The following ANKRD61 variants were observed in gnomAD, a reference collection of about 807,000 sequenced individuals.
The protein encoded by ANKRD61 is ankyrin repeat domain 61.
Under a neutral mutation model 8.4 loss-of-function variants are expected in ANKRD61, and 7 were observed. The observed-to-expected ratio is 0.84, with a 90% CI of 0.48 to 1.57. The LOEUF is 1.57. Ranked by LOEUF, ANKRD61 falls within the 40% of genes most tolerant of loss-of-function variation. The pLI is 0.00. For missense variants in ANKRD61, 516 were observed against 523.4 expected, an observed-to-expected ratio of 0.99 and a Z score of 0.14; for synonymous variants, 198 against 208.0, an observed-to-expected ratio of 0.95 and a Z score of 0.41.
chr7:6,031,605 T>C lies in ANKRD61; in HGVS notation c.216+14T>C. 2.6e-6 allele frequency: 4 copies of C among 1,550,140 alleles called. No individual in the cohort carries two copies. The highest frequency in any genetic ancestry group is 3.5e-6 in the Non-Finnish European group (4 of 1,146,430). ...CTTCTGACCCAGGTACCCTCTTTTC[T>C]GCTCAGTCACTTCTGGAAAAAAGTC... is the stretch of plus-strand genomic sequence containing the variant. On this transcript the variant is annotated intron_variant, in intron 1 of 2. Coordinates refer to ENST00000409061, the MANE Select transcript of ANKRD61 (RefSeq NM_001271700.2).
chr7:6,033,012 A>T lies in ANKRD61; in HGVS notation c.314+76A>T. 1 of 1,302,398 alleles carries T rather than the reference A, an allele frequency of 7.7e-7. No homozygotes were observed. Among genetic ancestry groups the T allele is most frequent in the South Asian group, 1.3e-5 (1 of 76,642 alleles). 80.7% of individuals were successfully genotyped at this position (1,302,398 alleles called of 1,614,324 possible). ...AGGCAGGGGTCTCGCTCTGTTGCCC[A>T]GGCTGGAGTGCAATGGCACAATCTC... is the stretch of plus-strand genomic sequence containing the variant. On this transcript the variant is annotated intron_variant, in intron 2 of 2. Coordinates refer to ENST00000409061, the MANE Select transcript of ANKRD61 (RefSeq NM_001271700.2). This position sits in a 1 kb window ranked among gnomAD's most constrained non-coding sequence, Gnocchi z 4.4.
rs1787936393 is a variant in ANKRD61, at chr7:6,032,300, T to C, written c.217-539T>C. On this transcript the variant is annotated intron_variant, in intron 1 of 2. Coordinates refer to ENST00000409061, the MANE Select transcript of ANKRD61 (RefSeq NM_001271700.2). This position sits in a 1 kb window ranked among gnomAD's most constrained non-coding sequence, Gnocchi z 4.3. ...AAGGAAGTCACCCTCCCTTGTACCC[T>C]ACTGTCTTATCTTGCAGCCACGGTG... Among the ~76,000 whole-genome samples, 2 of 152,256 alleles carry C rather than the reference T, an allele frequency of 1.3e-5. No individual in the cohort carries two copies. Among genetic ancestry groups the C allele is most frequent in the South Asian group, 4.1e-4 (2 of 4,838 alleles).
chr7:6,036,490 C>A lies in ANKRD61; in HGVS notation c.*104C>A. On this transcript the variant is annotated 3_prime_UTR_variant, in exon 3 of 3. Transcript: ENST00000409061. The surrounding 1 kb of genome is among the most constrained non-coding windows in gnomAD (Gnocchi z 4.6). ...ATGCTTCACCTATCACCTGTGACAT[C>A]CCAAATGTACAAACTACTGATTCTT... The A allele has an allele frequency of 1.5e-6, 1 of 680,024 alleles. No homozygotes were observed. The highest frequency in any genetic ancestry group is 2.3e-6 in the Non-Finnish European group (1 of 441,672). The allele number at this position is 680,024 out of a possible 1,614,324, so 42.1% of individuals were successfully genotyped here.
At position 6,035,374 on chromosome 7, in the gene ANKRD61, G is replaced by A; in HGVS notation, c.315-70G>A. 1 of 1,365,872 alleles carries A rather than the reference G, an allele frequency of 7.3e-7. No homozygotes were observed. The highest frequency in any genetic ancestry group is 1.0e-6 in the Non-Finnish European group (1 of 999,534). 84.6% of individuals were successfully genotyped at this position (1,365,872 alleles called of 1,614,324 possible). A position where few individuals can be genotyped will look rare whatever the true frequency, so the allele number is the denominator to read the frequency against. ...CTTTAAATAAATACTGGCTTCTTAA[G>A]CATTAACTGTCCACGTAGAGCCGTT... On this transcript the variant is annotated intron_variant, in intron 2 of 2. Transcript: ENST00000409061. This position sits in a 1 kb window ranked among gnomAD's most constrained non-coding sequence, Gnocchi z 5.5.
At position 6,035,395 on chromosome 7, in the gene ANKRD61, C is replaced by T; in HGVS notation, c.315-49C>T. On this transcript the variant is annotated intron_variant, in intron 2 of 2. Coordinates refer to ENST00000409061, the MANE Select transcript of ANKRD61 (RefSeq NM_001271700.2). The surrounding 1 kb of genome is among the most constrained non-coding windows in gnomAD (Gnocchi z 5.5). ...TTAAGCATTAACTGTCCACGTAGAG[C>T]CGTTCCCACTGTGAATTCAGTGTAA... The T allele has an allele frequency of 6.7e-7, 1 of 1,487,894 alleles. No individual in the cohort carries two copies. The highest frequency in any genetic ancestry group is 9.1e-7 in the Non-Finnish European group (1 of 1,098,788). The allele number at this position is 1,487,894 out of a possible 1,614,324, so 92.2% of individuals were successfully genotyped here.
chr7:6,034,784 G>A (rs1223922849), intron 2 of ANKRD61, among the ~76,000 whole-genome samples: 1 of 152,202 alleles, frequency 6.6e-6, no homozygotes, highest in Non-Finnish European at 1.5e-5. Context: ...AAGCGCTTCT[G>A]AGATGAGGGC....
In ANKRD61 at chr7:6,031,447, A is replaced by G; in HGVS notation, c.72A>G (p.Pro24=). The stretch of plus-strand genomic sequence containing the variant: ...GTGCCAAGTCCCTGGAAGATGGCCC[A>G]TCTGCAGCACTTCACTCGAAACTCT... The part of the protein sequence containing the change: ...VDSAKSLEDG[P]SAALHSKLYE... The change falls in exon 1 of 3, where the codon CCA becomes CCG. Residue 24 remains proline (P), a synonymous_variant. Transcript: ENST00000409061. 1 of 1,550,838 alleles carries G rather than the reference A, an allele frequency of 6.4e-7. No homozygotes were observed. Among genetic ancestry groups the G allele is most frequent in the Non-Finnish European group, 8.7e-7 (1 of 1,147,042 alleles).
In ANKRD61 at chr7:6,032,891, A is replaced by G. The variant is rs1787957575; in HGVS notation, c.269A>G (p.Gln90Arg). 6.4e-7 allele frequency: 1 copy of G among 1,551,072 alleles called. No homozygotes were observed. The change falls in exon 2 of 3, where the codon CAG (glutamine) becomes CGG (arginine). Residue 90 changes from glutamine (Q) to arginine (R), a missense_variant. Physicochemically the swap from Gln to Arg is conservative, Grantham distance 43. Coordinates refer to ENST00000409061, the MANE Select transcript of ANKRD61 (RefSeq NM_001271700.2). The surrounding 1 kb of genome is among the most constrained non-coding windows in gnomAD (Gnocchi z 4.3). ...CTGGCTGCCAAGTACCACAAGGCCC[A>G]GAGTCTGCTCTGCCTGTTACGGCAC... ...IHLAAKYHKA[Q>R]SLLCLLRHGA... is the part of the protein sequence containing the mutation.
At chr7:6,031,696 A>C in intron 1 of ANKRD61, 105 bp downstream of exon 1, 16 of 1,069,336 alleles carry the variant, frequency 1.5e-5, no homozygotes, top group East Asian at 2.7e-5. Context: ...CCTTATGAGA[A>C]TGAGACACGA....
In ANKRD61 at chr7:6,036,194, G is replaced by A. The variant is rs2128887844; in HGVS notation, c.1065G>A (p.Met355Ile). Residue 355 changes from methionine to isoleucine, a missense_variant, in exon 3 of 3, where the codon ATG (methionine) becomes ATA (isoleucine). Transcript: ENST00000409061. The surrounding 1 kb of genome is among the most constrained non-coding windows in gnomAD (Gnocchi z 4.6). ...NNQGILPAGI[M>I]LPEFRLLRDT... ...AAGGAATTCTACCTGCAGGAATCAT[G>A]CTACCAGAATTCCGCCTCTTAAGGG... 6.5e-7 allele frequency: 1 copy of A among 1,549,704 alleles called. No individual in the cohort carries two copies. The highest frequency in any genetic ancestry group is 8.7e-7 in the Non-Finnish European group (1 of 1,146,542).
rs1787988741 is a variant in ANKRD61 at position 6,033,932 on chromosome 7, C to T, written c.314+996C>T. Among the ~76,000 whole-genome samples the T allele has an allele frequency of 6.6e-6, 1 of 152,074 alleles. No individual in the cohort carries two copies. Among genetic ancestry groups the T allele is most frequent in the African/African-American group, 2.4e-5 (1 of 41,414 alleles). On this transcript the variant is annotated intron_variant, in intron 2 of 2. Coordinates refer to ENST00000409061, the MANE Select transcript of ANKRD61 (RefSeq NM_001271700.2). This position sits in a 1 kb window ranked among gnomAD's most constrained non-coding sequence, Gnocchi z 4.4. ...GTAAGCCGCATGAAAGAGAAGTTGA[C>T]CTTGTGCACCACTGTATCTCCAGCA...
chr7:6,036,180 C>T lies in ANKRD61; in HGVS notation c.1051C>T (p.Pro351Ser), dbSNP rs1357014741. ...AATGACCAATAACCAAGGAATTCTA[C>T]CTGCAGGAATCATGCTACCAGAATT... The part of the protein sequence containing the change: ...LRMTNNQGIL[P>S]AGIMLPEFRL... The change falls in exon 3 of 3, where the codon CCT becomes TCT. Residue 351 changes from proline (P) to serine (S), a missense_variant. Pro to Ser is a moderately conservative substitution (Grantham distance 74, BLOSUM62 -1). Coordinates refer to ENST00000409061, the MANE Select transcript of ANKRD61 (RefSeq NM_001271700.2). The surrounding 1 kb of genome is among the most constrained non-coding windows in gnomAD (Gnocchi z 4.6). 2.6e-6 allele frequency: 4 copies of T among 1,549,674 alleles called. No individual in the cohort carries two copies. Among genetic ancestry groups the T allele is most frequent in the East Asian group, 4.9e-5 (2 of 40,914 alleles).
rs1328574851 is a variant in ANKRD61 at position 6,035,841 on chromosome 7, C to A, written c.712C>A (p.Pro238Thr). ...NCAVSSTGNT[P>T]LKLAVCTASS... The stretch of plus-strand genomic sequence containing the variant: ...TGCTGTCTCTTCCACGGGGAACACG[C>A]CCCTGAAGCTTGCAGTGTGCACTGC... The change falls in exon 3 of 3, where the codon CCC becomes ACC. Residue 238 changes from proline to threonine, a missense_variant. Physicochemically the swap from Pro to Thr is conservative, Grantham distance 38 (BLOSUM62 -1). Transcript: ENST00000409061. The surrounding 1 kb of genome is among the most constrained non-coding windows in gnomAD (Gnocchi z 5.5). 1.9e-6 allele frequency: 3 copies of A among 1,548,504 alleles called. No individual in the cohort carries two copies. The highest frequency in any genetic ancestry group is 2.6e-6 in the Non-Finnish European group (3 of 1,145,394).
In ANKRD61 at chr7:6,032,751, T is replaced by C; in HGVS notation, c.217-88T>C. The C allele has an allele frequency of 1.9e-6, 2 of 1,077,624 alleles. No homozygotes were observed. Among genetic ancestry groups the C allele is most frequent in the Admixed American group, 2.2e-5 (1 of 45,666 alleles). 66.8% of individuals were successfully genotyped at this position (1,077,624 alleles called of 1,614,324 possible). On this transcript the variant is annotated intron_variant, in intron 1 of 2. Transcript: ENST00000409061. The surrounding 1 kb of genome is among the most constrained non-coding windows in gnomAD (Gnocchi z 4.3). ...GTGAGCCAATGAGACACTAAATAAA[T>C]GTATTGCCTTTGAAACGGCAAGCTA...
At position 6,031,490 on chromosome 7, in the gene ANKRD61, G is replaced by C; in HGVS notation, c.115G>C (p.Glu39Gln). ...GAAACTCTATGAAGCCATCATGAGA[G>C]AAGACTGCACTACGATCGAGGTACT... ...HSKLYEAIMR[E>Q]DCTTIEVLLR... The change falls in exon 1 of 3, where the codon GAA becomes CAA. Residue 39 changes from glutamate to glutamine, a missense_variant. By Grantham distance (29) the Glu-to-Gln change is conservative (BLOSUM62 2). Coordinates refer to ENST00000409061, the MANE Select transcript of ANKRD61 (RefSeq NM_001271700.2). The C allele has an allele frequency of 1.3e-6, 2 of 1,550,684 alleles. No individual in the cohort carries two copies. The highest frequency in any genetic ancestry group is 8.7e-7 in the Non-Finnish European group (1 of 1,146,978).
Position 6,035,446 on chromosome 7 carries a change from A to G in ANKRD61, c.317A>G (p.Asp106Gly). Residue 106 changes from aspartate to glycine, a missense_variant and splice_region_variant, in exon 3 of 3, where the codon GAC (aspartate) becomes GGC (glycine). Coordinates refer to ENST00000409061, the MANE Select transcript of ANKRD61 (RefSeq NM_001271700.2). The surrounding 1 kb of genome is among the most constrained non-coding windows in gnomAD (Gnocchi z 5.5). ...LRHGADPEVR[D>G]TTGLTTLNLM... Reference sequence around the variant, plus strand: ...CGTGTAATCAATACCCATTCTAGGGACACGACAGGCCTCACCACACTCAAC... The same window carrying G: ...CGTGTAATCAATACCCATTCTAGGGGCACGACAGGCCTCACCACACTCAAC... 1 of 1,549,012 alleles carries G rather than the reference A, an allele frequency of 6.5e-7. No homozygotes were observed. The highest frequency in any genetic ancestry group is 8.7e-7 in the Non-Finnish European group (1 of 1,145,644).
In ANKRD61 at chr7:6,031,460, C is replaced by A; in HGVS notation, c.85C>A (p.His29Asn). ...SLEDGPSAAL[H>N]SKLYEAIMRE... ...GGAAGATGGCCCATCTGCAGCACTT[C>A]ACTCGAAACTCTATGAAGCCATCAT... Residue 29 changes from histidine (H) to asparagine (N), a missense_variant, in exon 1 of 3, where the codon CAC becomes AAC. Transcript: ENST00000409061. The A allele has an allele frequency of 6.4e-7, 1 of 1,550,798 alleles. No individual in the cohort carries two copies. The highest frequency in any genetic ancestry group is 2.4e-5 in the East Asian group (1 of 40,920).
At position 6,035,360 on chromosome 7, in the gene ANKRD61, T is replaced by G; in HGVS notation, c.315-84T>G. Reference sequence around the variant, plus strand: ...ATTGAAGGGTCTTACTTTAAATAAATACTGGCTTCTTAAGCATTAACTGTC... The same window carrying G: ...ATTGAAGGGTCTTACTTTAAATAAAGACTGGCTTCTTAAGCATTAACTGTC... On this transcript the variant is annotated intron_variant, in intron 2 of 2. Coordinates refer to ENST00000409061, the MANE Select transcript of ANKRD61 (RefSeq NM_001271700.2). The surrounding 1 kb of genome is among the most constrained non-coding windows in gnomAD (Gnocchi z 5.5). 4.7e-6 allele frequency: 6 copies of G among 1,264,832 alleles called. No homozygotes were observed. Among genetic ancestry groups the G allele is most frequent in the Non-Finnish European group, 6.5e-6 (6 of 917,952 alleles). 78.4% of individuals were successfully genotyped at this position (1,264,832 alleles called of 1,614,324 possible). A position where few individuals can be genotyped will look rare whatever the true frequency, so the allele number is the denominator to read the frequency against.
In ANKRD61 at chr7:6,033,814, C is replaced by G. The variant is rs187681049; in HGVS notation, c.314+878C>G. 2.4e-4 allele frequency among the ~76,000 whole-genome samples: 36 copies of G among 151,886 alleles called. No individual in the cohort carries two copies. The highest frequency in any genetic ancestry group is 6.8e-3 in the Middle Eastern group (2 of 294). ...TCAATCTCCTGACCTCGTGATCCGT[C>G]CACCTCAGCCTCCCAAAGTGCTGGG... On this transcript the variant is annotated intron_variant, in intron 2 of 2. Coordinates refer to ENST00000409061, the MANE Select transcript of ANKRD61 (RefSeq NM_001271700.2). This position sits in a 1 kb window ranked among gnomAD's most constrained non-coding sequence, Gnocchi z 4.4.
Sources: gnomAD v4.1 joint callset for allele counts (sites outside exome capture counted in the v4.1 genomes callset) on GRCh38, gnomAD v4.1.1 for gene constraint, Gnocchi (gnomAD v3.1) non-coding constraint, MANE v1.5 for transcripts, NCBI Gene and HGNC (gene_info 2026-07-23, HGNC 2026-07-21) for gene names.